RAB9B: variants seen among roughly 807,000 people sequenced by gnomAD.
RAB9B encodes RAB9B, member RAS oncogene family, also known as ras-related protein Rab-9B.
In RAB9B, 1 loss-of-function variant was observed where a neutral mutation model predicts 8.9. The ratio of observed to expected loss-of-function variants is 0.11; its 90% CI spans 0.04 to 0.53. The LOEUF is 0.53. RAB9B is among the 20% of genes least tolerant of loss of function. The pLI is 0.93. For missense variants in RAB9B, 82 were observed against 152.9 expected (o/e 0.54, Z 2.45); for synonymous variants, 63 against 57.0 (o/e 1.10, Z -0.47).
chrX:103,813,204 A>G, the RAB9B span, among the ~76,000 whole-genome samples: 1 of 110,200 alleles, frequency 9.1e-6, no homozygotes, highest in African/African-American at 3.3e-5. Context: ...TATAAGCTTG[A>G]GCCAGCACGT....
chrX:103,787,830 G>A, the RAB9B span: 1 of 1,207,799 alleles, frequency 8.3e-7, no homozygotes. Context: ...TGACCGTTGT[G>A]TGGCTCCTGG....
chrX:103,777,227 T>A, the RAB9B span, among the ~76,000 whole-genome samples: 3 of 111,676 alleles, frequency 2.7e-5, no homozygotes. Flanking sequence ...GTCCCACAGA[T>A]CTCTGGAGAG....
chrX:103,818,935 T>C (rs1365504055), downstream of RAB9B, among the ~76,000 whole-genome samples: 1 of 111,346 alleles, frequency 9.0e-6, no homozygotes, highest in East Asian at 2.8e-4. Context: ...TATCGGTCAC[T>C]CTAAGTTTTC....
chrX:103,812,137 G>GTC, the RAB9B span, among the ~76,000 whole-genome samples: 1 of 109,924 alleles, frequency 9.1e-6, no homozygotes, highest in Non-Finnish European at 1.9e-5. Context: ...GGGAAAACAG[G>GTC]TATGTGCCAC....
At chrX:103,814,116 C>T in the RAB9B span, among the ~76,000 whole-genome samples, 1 of 111,547 alleles carries the variant, frequency 9.0e-6, no homozygotes. Context: ...CTCTCCACCC[C>T]AAATCAACAG....
the RAB9B span, among the ~76,000 whole-genome samples, chrX:103,797,267 T>G: frequency 9.1e-6 from 1 of 109,366 alleles, no homozygotes. Context: ...TTAAAAAAAA[T>G]TTTTTGTAGA....
At chrX:103,778,702 G>A in the RAB9B span, among the ~76,000 whole-genome samples, 3 of 111,386 alleles carry the variant, frequency 2.7e-5, no homozygotes, top group African/African-American at 6.5e-5. Flanking sequence ...AAGGGTGGAC[G>A]ATACTTGGGC....
chrX:103,809,596 G>C, the RAB9B span, among the ~76,000 whole-genome samples: 1,149 of 111,917 alleles, frequency 0.01, 10 homozygotes, highest in African/African-American at 0.036. Flanking sequence ...CACCATGCTC[G>C]GCTTAATTTC....
At chrX:103,801,630 T>G in the RAB9B span, among the ~76,000 whole-genome samples, 1 of 111,845 alleles carries the variant, frequency 8.9e-6, no homozygotes, top group East Asian at 2.8e-4. Flanking sequence ...AGATGAGCAC[T>G]ATTATTATCA....
the RAB9B span, among the ~76,000 whole-genome samples, chrX:103,803,397 T>C: frequency 8.9e-6 from 1 of 112,223 alleles, no homozygotes; most frequent in Non-Finnish European, 1.9e-5. Context: ...GCCATCCTAC[T>C]GGGTATGAAG....
the RAB9B span, chrX:103,788,509 A>G: frequency 8.4e-7 from 1 of 1,190,695 alleles, no homozygotes; most frequent in Non-Finnish European, 1.1e-6. Flanking sequence ...AAAACAGCTG[A>G]GGTGAGTGGG....
chrX:103,782,438 C>T, the RAB9B span, among the ~76,000 whole-genome samples: 1 of 111,807 alleles, frequency 8.9e-6, no homozygotes, highest in Non-Finnish European at 1.9e-5. Flanking sequence ...GATCTGGTGA[C>T]TCAGAATTGC....
At chrX:103,811,187 T>TGGTGAAAATACTCAAGCATTG in the RAB9B span, among the ~76,000 whole-genome samples, 1 of 112,075 alleles carries the variant, frequency 8.9e-6, no homozygotes, top group Non-Finnish European at 1.9e-5. Flanking sequence ...GGCAGGCATT[T>TGGTGAAAATACTCAAGCATTG]GGTGAAAATA....
At chrX:103,781,225 G>A in the RAB9B span, 1 of 302,470 alleles carries the variant, frequency 3.3e-6, no homozygotes, top group Non-Finnish European at 6.6e-6. Context: ...GGGAAAGGAG[G>A]GAGGGAGGGT....
the RAB9B span, among the ~76,000 whole-genome samples, chrX:103,798,438 C>T: frequency 1.8e-5 from 2 of 111,372 alleles, no homozygotes. Flanking sequence ...GTTTAAACTG[C>T]CCTTGGCTCG....
chrX:103,820,977 C>T (rs1267807393), downstream of RAB9B, among the ~76,000 whole-genome samples: 3 of 38,797 alleles, frequency 7.7e-5, no homozygotes, highest in Non-Finnish European at 1.4e-4. Context: ...CACACACACA[C>T]ACACATACAC....
At chrX:103,789,145 G>A in the RAB9B span, 129 of 482,044 alleles carry the variant, frequency 2.7e-4, no homozygotes, top group African/African-American at 1.5e-3. Context: ...GGTGTTAATG[G>A]GCCAGGTGCT....
At chrX:103,780,954 T>G in the RAB9B span, 20 of 145,748 alleles carry the variant, frequency 1.4e-4, no homozygotes, top group Admixed American at 2.2e-4. Flanking sequence ...AAGACTGTAG[T>G]GCAGATTCGA....
chrX:103,792,766 A>C, the RAB9B span: 2 of 112,743 alleles, frequency 1.8e-5, no homozygotes, highest in Non-Finnish European at 3.8e-5. Context: ...TGAATAGATT[A>C]CTTCTACTTT....
Sources: allele counts gnomAD v4.1 joint callset (sites outside exome capture counted in the v4.1 genomes callset), GRCh38; gene constraint gnomAD v4.1.1; transcripts MANE v1.5; gene names NCBI Gene and HGNC (gene_info 2026-07-23, HGNC 2026-07-21).